RBM47: variants seen among roughly 807,000 people sequenced by gnomAD.
RBM47 encodes the protein RNA binding motif protein 47.
A neutral mutation model predicts 47.1 loss-of-function variants in RBM47; 21 were observed. That is an observed-to-expected ratio of 0.45 (90% CI 0.32 to 0.64). The LOEUF (loss-of-function observed/expected upper bound fraction) is 0.64, where lower values mean the gene tolerates loss of function less well. RBM47 is among the 30% of genes least tolerant of loss of function. RBM47 has a pLI of 0.05. For missense variants in RBM47, 708 were observed against 870.9 expected (o/e 0.81, Z 2.35); for synonymous variants, 375 against 361.7 (o/e 1.04, Z -0.42).
chr4:40,565,488 C>T (rs1465039142), intron 1 of RBM47, among the ~76,000 whole-genome samples: 5 of 152,176 alleles, frequency 3.3e-5, no homozygotes, highest in African/African-American at 4.8e-5. Flanking sequence ...CAAGCAGCAG[C>T]TCTCCACTAA....
At chr4:40,426,466 C>T (rs11735413) in intron 6 of RBM47, among the ~76,000 whole-genome samples, 4,563 of 152,256 alleles carry the variant, frequency 0.03, 93 homozygotes, top group Non-Finnish European at 0.044. Flanking sequence ...ATACCAAAAT[C>T]CTCAGATGCT....
intron 2 of RBM47, among the ~76,000 whole-genome samples, chr4:40,521,873 T>A (rs1726225033): frequency 6.6e-6 from 1 of 152,058 alleles, no homozygotes; most frequent in Non-Finnish European, 1.5e-5. Flanking sequence ...AAAATAATTT[T>A]AAAAAATACA....
At chr4:40,613,582 C>G (rs1736429612) in intron 1 of RBM47, among the ~76,000 whole-genome samples, 1 of 152,026 alleles carries the variant, frequency 6.6e-6, no homozygotes, top group Non-Finnish European at 1.5e-5. Context: ...CTTCTTAGAC[C>G]CTGCATCATC....
At chr4:40,543,460 T>A (rs1728733351) in intron 2 of RBM47, 2 of 151,992 alleles carry the variant, frequency 1.3e-5, no homozygotes, top group Admixed American at 6.6e-5. Flanking sequence ...GACTATCATA[T>A]GAAGTCACCA....
At chr4:40,583,436 G>T (rs1412476587) in intron 1 of RBM47, among the ~76,000 whole-genome samples, 1 of 149,936 alleles carries the variant, frequency 6.7e-6, no homozygotes, top group African/African-American at 2.5e-5. Flanking sequence ...GCTGGACAAG[G>T]TGATGCACGC....
At chr4:40,584,260 G>C (rs1157791408) in intron 1 of RBM47, among the ~76,000 whole-genome samples, 2 of 152,122 alleles carry the variant, frequency 1.3e-5, no homozygotes, top group Admixed American at 1.3e-4. Flanking sequence ...CACCGTGCTG[G>C]GCTGGTTGTT....
In RBM47 at chr4:40,424,175, C is replaced by T. The variant is rs1714724819; in HGVS notation, c.*1729G>A. The T allele has an allele frequency of 6.6e-6, 1 of 152,230 alleles. No individual in the cohort carries two copies. Among genetic ancestry groups the T allele is most frequent in the South Asian group, 2.1e-4 (1 of 4,830 alleles). 9.4% of individuals were successfully genotyped at this position (152,230 alleles called of 1,614,324 possible). A position where few individuals can be genotyped will look rare whatever the true frequency, so the allele number is the denominator to read the frequency against. Reference sequence around the variant, plus strand: ...AAAAGTACTTGCTAAGGGCATGATCCTCTTATGAATCCACAAGAATTCAGC... The same window carrying T: ...AAAAGTACTTGCTAAGGGCATGATCTTCTTATGAATCCACAAGAATTCAGC... On this transcript the variant is annotated 3_prime_UTR_variant, in exon 7 of 7. Coordinates refer to ENST00000295971, the MANE Select transcript of RBM47 (RefSeq NM_001098634.2).
chr4:40,621,905 G>A (rs1300087953), intron 1 of RBM47, among the ~76,000 whole-genome samples: 1 of 152,204 alleles, frequency 6.6e-6, no homozygotes, highest in South Asian at 2.1e-4. Flanking sequence ...CCTCCATCAA[G>A]GACTTGTGGT....
At chr4:40,576,322 TAAAA>T (rs1195103915) in intron 1 of RBM47, among the ~76,000 whole-genome samples, 2 of 149,488 alleles carry the variant, frequency 1.3e-5, no homozygotes, top group East Asian at 3.9e-4. Flanking sequence ...ATCAATTTTT[TAAAA>T]AAATTTTTTT....
At chr4:40,520,132 A>G (rs1485454948) in intron 2 of RBM47, among the ~76,000 whole-genome samples, 1 of 151,982 alleles carries the variant, frequency 6.6e-6, no homozygotes, top group Non-Finnish European at 1.5e-5. Flanking sequence ...TTTTTCTGTG[A>G]TCACAAATTT....
At chr4:40,567,186 A>G (rs930748352) in intron 1 of RBM47, among the ~76,000 whole-genome samples, 7 of 151,952 alleles carry the variant, frequency 4.6e-5, no homozygotes, top group Non-Finnish European at 7.4e-5. Context: ...CCAAGAAAAG[A>G]GCAGTGGAGT....
intron 1 of RBM47, among the ~76,000 whole-genome samples, chr4:40,603,911 A>G (rs2154277891): frequency 6.6e-6 from 1 of 152,226 alleles, no homozygotes; most frequent in African/African-American, 2.4e-5. Flanking sequence ...GGCACCAGGC[A>G]TTTCAATCAG....
chr4:40,624,854 CTTTT>C (rs1344597874), intron 1 of RBM47, among the ~76,000 whole-genome samples: 2 of 139,100 alleles, frequency 1.4e-5, no homozygotes, highest in Non-Finnish European at 3.1e-5. Flanking sequence ...CTTTTCTTTT[CTTTT>C]TCTTTTTTTT....
At chr4:40,605,565 T>TTTACATTA (rs1735687176) in intron 1 of RBM47, among the ~76,000 whole-genome samples, 1 of 152,006 alleles carries the variant, frequency 6.6e-6, no homozygotes. Flanking sequence ...GCACGGTGGC[T>TTTACATTA]CACGCCTGTA....
chr4:40,438,977 T>A (rs894601347), intron 3 of RBM47, 53 bp from the exon 4 acceptor site: 8 of 1,411,004 alleles, frequency 5.7e-6, no homozygotes, highest in Non-Finnish European at 6.5e-6. Context: ...TTGCCTCTTT[T>A]GGGTTGTGTT....
At chr4:40,625,107 C>T (rs996178310) in intron 1 of RBM47, among the ~76,000 whole-genome samples, 6 of 152,068 alleles carry the variant, frequency 3.9e-5, no homozygotes, top group African/African-American at 1.4e-4. Context: ...CTTGGCCTCC[C>T]AAAGTGCTGG....
At chr4:40,576,103 T>C (rs1191632140) in intron 1 of RBM47, among the ~76,000 whole-genome samples, 1 of 152,206 alleles carries the variant, frequency 6.6e-6, no homozygotes, top group East Asian at 1.9e-4. Flanking sequence ...AAGAGGCATC[T>C]TTCCTCACCT....
chr4:40,478,874 C>A (rs1272978844), intron 2 of RBM47, among the ~76,000 whole-genome samples: 1 of 152,236 alleles, frequency 6.6e-6, no homozygotes, highest in East Asian at 1.9e-4. Flanking sequence ...AGTAGCATAT[C>A]ATTTTCCACA....
intron 3 of RBM47, among the ~76,000 whole-genome samples, chr4:40,459,621 A>G (rs1716802328): frequency 6.6e-6 from 1 of 152,198 alleles, no homozygotes; most frequent in Non-Finnish European, 1.5e-5. Context: ...TTACCTGCAT[A>G]TAGAACTGGG....
Sources: gnomAD v4.1 joint callset for allele counts (sites outside exome capture counted in the v4.1 genomes callset) on GRCh38, gnomAD v4.1.1 for gene constraint, MANE v1.5 for transcripts, NCBI Gene and HGNC (gene_info 2026-07-23, HGNC 2026-07-21) for gene names.